GLB1L3: variants seen among roughly 807,000 people sequenced by gnomAD.
GLB1L3 encodes galactosidase beta 1 like 3.
GLB1L3 carries 89 observed loss-of-function variants against 89.5 expected under a neutral mutation model. That is an observed-to-expected ratio of 0.99 (90% CI 0.84 to 1.19). The LOEUF (loss-of-function observed/expected upper bound fraction) is 1.19. GLB1L3 is among the 50% of genes most tolerant of loss of function. GLB1L3 has a pLI of 0.00. For synonymous variants in GLB1L3, 314 were observed against 312.3 expected, an observed-to-expected ratio of 1.01 and a Z score of -0.06; for missense variants, 812 against 813.3, an observed-to-expected ratio of 1.00 and a Z score of 0.02.
At chr11:134,300,016 C>T (rs997212772) in intron 9 of GLB1L3, among the ~76,000 whole-genome samples, 3 of 152,112 alleles carry the variant, frequency 2.0e-5, no homozygotes, top group African/African-American at 4.8e-5. Context: ...CTGGCAGTGG[C>T]GGTGGCTCTC....
At chr11:134,285,782 CA>C (rs891647298) in intron 6 of GLB1L3, among the ~76,000 whole-genome samples, 1 of 151,752 alleles carries the variant, frequency 6.6e-6, no homozygotes, top group Non-Finnish European at 1.5e-5. Context: ...AAAAACAAAC[CA>C]AAAAAACACC....
intron 10 of GLB1L3, among the ~76,000 whole-genome samples, chr11:134,307,529 G>A (rs1005065910): frequency 5.9e-5 from 9 of 152,170 alleles, no homozygotes; most frequent in East Asian, 1.9e-4. Flanking sequence ...AAAGACCTGC[G>A]CAGGTAAGGT....
At chr11:134,280,480 A>G (rs543120045) in intron 3 of GLB1L3, among the ~76,000 whole-genome samples, 1 of 152,260 alleles carries the variant, frequency 6.6e-6, no homozygotes, top group South Asian at 2.1e-4. Flanking sequence ...CACAGTTCAA[A>G]TCTGTATCCT....
rs1189958108 is a variant in GLB1L3, at chr11:134,276,747, TC to T, written c.11del (p.Pro4ArgfsTer53). 4 of 1,448,940 alleles carry T rather than the reference TC, an allele frequency of 2.8e-6. No homozygotes were observed. The highest frequency in any genetic ancestry group is 3.6e-6 in the Non-Finnish European group (4 of 1,102,614). 89.8% of individuals were successfully genotyped at this position (1,448,940 alleles called of 1,614,324 possible). A position where few individuals can be genotyped will look rare whatever the true frequency, so the allele number is the denominator to read the frequency against. On this transcript the variant is annotated frameshift_variant, in exon 1 of 20. Transcript: ENST00000431683. LOFTEE classifies it high-confidence loss of function. MK[S>X]PPLLSPCLSW... ...GCGCCTCGGCCTGGCCGCGATGAAGTCCCCGCCCCTCCTCAGGTGACGGATC... is the reference window on the plus strand; with the variant it reads ...GCGCCTCGGCCTGGCCGCGATGAAGTCCCGCCCCTCCTCAGGTGACGGATC...
At chr11:134,303,184 A>G (rs1385523915) in intron 9 of GLB1L3, among the ~76,000 whole-genome samples, 2 of 152,174 alleles carry the variant, frequency 1.3e-5, no homozygotes, top group African/African-American at 2.4e-5. Flanking sequence ...TTGAATGTGT[A>G]TCATTTTCTA....
downstream of GLB1L3, among the ~76,000 whole-genome samples, chr11:134,320,587 C>T (rs924452850): frequency 8.5e-5 from 13 of 152,136 alleles, no homozygotes; most frequent in African/African-American, 2.2e-4. Flanking sequence ...CCTCCTCTTT[C>T]GCTACTACCT....
chr11:134,321,107 A>G (rs1321586302), downstream of GLB1L3, among the ~76,000 whole-genome samples: 2 of 152,196 alleles, frequency 1.3e-5, no homozygotes. Context: ...ACAAACGTTA[A>G]CTCCATAGAA....
chr11:134,284,317 G>T (rs950774375), intron 6 of GLB1L3, among the ~76,000 whole-genome samples: 1 of 151,720 alleles, frequency 6.6e-6, no homozygotes, highest in Admixed American at 6.6e-5. Context: ...TTATACACAC[G>T]TGTCTATGCC....
At chr11:134,279,193 A>G (rs1302264931) in intron 3 of GLB1L3, among the ~76,000 whole-genome samples, 1 of 152,156 alleles carries the variant, frequency 6.6e-6, no homozygotes, top group Non-Finnish European at 1.5e-5. Context: ...GTTTCTTAAG[A>G]TTCACCTGTA....
intron 7 of GLB1L3, among the ~76,000 whole-genome samples, chr11:134,290,831 A>G (rs868498551): frequency 2.6e-5 from 4 of 152,082 alleles, no homozygotes; most frequent in Non-Finnish European, 5.9e-5. Context: ...CCACAGCTGC[A>G]GCCTCTCCCC....
chr11:134,305,176 T>C (rs1199988255), intron 9 of GLB1L3: 4 of 1,205,994 alleles, frequency 3.3e-6, no homozygotes, highest in Non-Finnish European at 4.8e-6. Context: ...TCTTCCTCCT[T>C]ATAGTTCTTA....
intron 10 of GLB1L3, among the ~76,000 whole-genome samples, chr11:134,308,811 A>G (rs1942574257): frequency 1.3e-5 from 2 of 152,226 alleles, no homozygotes; most frequent in Non-Finnish European, 2.9e-5. Flanking sequence ...TAATACATTC[A>G]TTTAACAGAT....
chr11:134,280,198 A>G (rs1257231179), intron 3 of GLB1L3, among the ~76,000 whole-genome samples: 2 of 151,932 alleles, frequency 1.3e-5, no homozygotes, highest in Non-Finnish European at 2.9e-5. Context: ...TTTAAATTTT[A>G]CTATTTAACT....
chr11:134,283,850 A>G lies in GLB1L3; in HGVS notation c.636+5A>G, dbSNP rs758644793. On this transcript the variant is annotated splice_donor_5th_base_variant and intron_variant, in intron 6 of 19. Coordinates refer to ENST00000431683, the MANE Select transcript of GLB1L3 (RefSeq NM_001080407.3). Reference sequence around the variant, plus strand: ...CCCAGAGTGATTCCTCTCCAGGTAAAGCCAAATTGTCCCCTGCATCTTTCT... The same window carrying G: ...CCCAGAGTGATTCCTCTCCAGGTAAGGCCAAATTGTCCCCTGCATCTTTCT... 2.6e-6 allele frequency: 4 copies of G among 1,539,440 alleles called. No homozygotes were observed. The South Asian group carries it at 4.5e-5, about 17-fold the overall frequency.
Position 134,277,407 on chromosome 11 carries a change from G to C in GLB1L3, c.105G>C (p.Gln35His). ...ISSGFAPRFK[Q>H]EENFMLGRAH... ...CAGGTTTTGCTCCTCGGTTTAAGCA[G>C]GAAGAGAACTTCATGCTTGGAAGAG... The change falls in exon 2 of 20, where the codon CAG (glutamine) becomes CAC (histidine). Residue 35 changes from glutamine (Q) to histidine (H), a missense_variant. By Grantham distance (24) the Gln-to-His change is conservative (BLOSUM62 0). This residue lies in a region of GLB1L3 where 191 missense variants were observed against 191.4 expected (regional missense o/e 1.00). Coordinates refer to ENST00000431683, the MANE Select transcript of GLB1L3 (RefSeq NM_001080407.3). The C allele has an allele frequency of 6.2e-7, 1 of 1,613,950 alleles. No individual in the cohort carries two copies. Among genetic ancestry groups the C allele is most frequent in the Non-Finnish European group, 8.5e-7 (1 of 1,179,858 alleles).
downstream of GLB1L3, among the ~76,000 whole-genome samples, chr11:134,319,757 C>T (rs1055673895): frequency 1.8e-4 from 26 of 145,984 alleles, no homozygotes; most frequent in South Asian, 3.0e-3. Flanking sequence ...TGCGCGCGCG[C>T]GTGCATGTGT....
At chr11:134,298,862 G>A (rs1050340862) in intron 9 of GLB1L3, among the ~76,000 whole-genome samples, 1 of 152,120 alleles carries the variant, frequency 6.6e-6, no homozygotes, top group Non-Finnish European at 1.5e-5. Flanking sequence ...TGCAAGATTA[G>A]GTCATTAATT....
At chr11:134,280,696 T>C (rs1357754951) in intron 3 of GLB1L3, among the ~76,000 whole-genome samples, 4 of 152,182 alleles carry the variant, frequency 2.6e-5, no homozygotes, top group South Asian at 4.2e-4. Context: ...ATGATTAGTA[T>C]GTCTTCTTGG....
chr11:134,308,462 C>T (rs1335117990), intron 10 of GLB1L3, among the ~76,000 whole-genome samples: 2 of 42,360 alleles, frequency 4.7e-5, no homozygotes, highest in Non-Finnish European at 9.4e-5. Context: ...CCACCACCAC[C>T]ACCACCACCA....
Sources: gnomAD v4.1 joint callset for allele counts (sites outside exome capture counted in the v4.1 genomes callset) on GRCh38, gnomAD v4.1.1 for gene constraint, gnomAD v4.1.1 regional missense constraint, MANE v1.5 for transcripts, NCBI Gene and HGNC (gene_info 2026-07-23, HGNC 2026-07-21) for gene names.